FBXL7: variants seen among roughly 807,000 people sequenced by gnomAD.
FBXL7 encodes F-box and leucine rich repeat protein 7, also known as F-box/LRR-repeat protein 7.
FBXL7 carries 12 observed loss-of-function variants against 38.3 expected under a neutral mutation model. That is an observed-to-expected ratio of 0.31 (90% CI 0.20 to 0.51). The LOEUF is 0.51. Ranked by LOEUF, FBXL7 falls within the 20% of genes least tolerant of loss-of-function variation. FBXL7 has a pLI of 0.98. For synonymous variants in FBXL7, 297 were observed against 300.9 expected (o/e 0.99, Z 0.13); for missense variants, 567 against 676.4 (o/e 0.84, Z 1.79).
At chr5:15,555,124 T>C (rs901202449) in intron 1 of FBXL7, among the ~76,000 whole-genome samples, 1 of 152,198 alleles carries the variant, frequency 6.6e-6, no homozygotes, top group Non-Finnish European at 1.5e-5. Context: ...ATTTAACTTA[T>C]AGTAAATAAA....
chr5:15,721,749 A>G (rs76981824), intron 2 of FBXL7, among the ~76,000 whole-genome samples: 86 of 151,968 alleles, frequency 5.7e-4, no homozygotes, highest in African/African-American at 2.0e-3. Flanking sequence ...CCTCATTTTT[A>G]GTGTCTGGTT....
intron 3 of FBXL7, among the ~76,000 whole-genome samples, chr5:15,931,413 A>T (rs1742033231): frequency 6.6e-6 from 1 of 152,092 alleles, no homozygotes; most frequent in Non-Finnish European, 1.5e-5. Context: ...AATCCTACCC[A>T]ACCAGTAGAG....
chr5:15,874,265 T>C (rs1171281281), intron 2 of FBXL7, among the ~76,000 whole-genome samples: 7 of 152,142 alleles, frequency 4.6e-5, no homozygotes, highest in African/African-American at 9.7e-5. Context: ...TGATGAAACA[T>C]GTCTCAAAAT....
intron 2 of FBXL7, among the ~76,000 whole-genome samples, chr5:15,840,024 T>C (rs1276904456): frequency 6.6e-6 from 1 of 152,242 alleles, no homozygotes; most frequent in African/African-American, 2.4e-5. Flanking sequence ...AAAATTTCTG[T>C]AGGATATCTT....
At chr5:15,764,683 G>T (rs1736540824) in intron 2 of FBXL7, among the ~76,000 whole-genome samples, 1 of 152,208 alleles carries the variant, frequency 6.6e-6, no homozygotes, top group Non-Finnish European at 1.5e-5. Context: ...GGCCATCCCT[G>T]CATTTTAGTT....
chr5:15,707,855 A>T (rs764114401), intron 2 of FBXL7, among the ~76,000 whole-genome samples: 18 of 152,170 alleles, frequency 1.2e-4, no homozygotes, highest in Non-Finnish European at 2.2e-4. Context: ...GTGAGAATGT[A>T]CAAGTAGCCA....
chr5:15,864,096 C>G (rs917872848), intron 2 of FBXL7, among the ~76,000 whole-genome samples: 1 of 152,092 alleles, frequency 6.6e-6, no homozygotes, highest in Admixed American at 6.5e-5. Context: ...ACATGAGTGT[C>G]TAGGTATTCC....
intron 1 of FBXL7, among the ~76,000 whole-genome samples, chr5:15,600,883 T>C (rs1422193009): frequency 6.6e-6 from 1 of 152,188 alleles, no homozygotes; most frequent in African/African-American, 2.4e-5. Context: ...TAACTGTCTG[T>C]CTGTCTTTTG....
Position 15,616,036 on chromosome 5 carries a change from C to A in FBXL7, c.91C>A (p.Pro31Thr). The change falls in exon 2 of 4, where the codon CCC becomes ACC. Residue 31 changes from proline (P) to threonine (T), a missense_variant. Physicochemically the swap from Pro to Thr is conservative, Grantham distance 38. Coordinates refer to ENST00000504595, the MANE Select transcript of FBXL7 (RefSeq NM_012304.5). ...SDVSSSTDHT[P>T]TKAQKNVATS... ...CGTGAGTTCAAGTACAGATCACACG[C>A]CCACTAAAGCCCAGAAGAATGTGGC... The A allele has an allele frequency of 6.2e-7, 1 of 1,613,440 alleles. No individual in the cohort carries two copies. The highest frequency in any genetic ancestry group is 8.5e-7 in the Non-Finnish European group (1 of 1,179,568).
chr5:15,749,009 C>T (rs917687904), intron 2 of FBXL7, among the ~76,000 whole-genome samples: 4 of 152,074 alleles, frequency 2.6e-5, no homozygotes, highest in Non-Finnish European at 5.9e-5. Flanking sequence ...CTTTAGGAGG[C>T]TGAGTGGGGC....
At chr5:15,616,793 T>C (rs1326210733) in intron 2 of FBXL7, among the ~76,000 whole-genome samples, 1 of 152,242 alleles carries the variant, frequency 6.6e-6, no homozygotes, top group Non-Finnish European at 1.5e-5. Flanking sequence ...ATGTTAAACA[T>C]GATTAAATGA....
chr5:15,916,724 G>A (rs1334821222), intron 2 of FBXL7, among the ~76,000 whole-genome samples: 1 of 152,176 alleles, frequency 6.6e-6, no homozygotes, highest in Non-Finnish European at 1.5e-5. Flanking sequence ...AAATGAAATA[G>A]CCATATTTTA....
intron 2 of FBXL7, among the ~76,000 whole-genome samples, chr5:15,903,126 C>T (rs529628791): frequency 2.0e-5 from 3 of 152,280 alleles, no homozygotes; most frequent in Non-Finnish European, 2.9e-5. Context: ...ATTTCAAAGT[C>T]GATATTAAAC....
intron 2 of FBXL7, among the ~76,000 whole-genome samples, chr5:15,767,067 C>T (rs1247265044): frequency 6.6e-6 from 1 of 152,042 alleles, no homozygotes; most frequent in East Asian, 1.9e-4. Flanking sequence ...TATAGGCAAA[C>T]ATGTGCCATG....
chr5:15,795,449 G>A (rs1384527217), intron 2 of FBXL7, among the ~76,000 whole-genome samples: 1 of 152,188 alleles, frequency 6.6e-6, no homozygotes, highest in African/African-American at 2.4e-5. Flanking sequence ...GTAATTGTCA[G>A]AAGCTGATGC....
intron 2 of FBXL7, among the ~76,000 whole-genome samples, chr5:15,641,238 A>T (rs188626127): frequency 6.6e-6 from 1 of 152,172 alleles, no homozygotes; most frequent in Non-Finnish European, 1.5e-5. Context: ...AAACCTTTCC[A>T]TGAGACTGAG....
chr5:15,676,247 C>A (rs962886775), intron 2 of FBXL7, among the ~76,000 whole-genome samples: 1 of 152,164 alleles, frequency 6.6e-6, no homozygotes, highest in Non-Finnish European at 1.5e-5. Context: ...TCTAAACCAT[C>A]TTTGTAGATG....
chr5:15,769,342 A>G (rs779831895), intron 2 of FBXL7, among the ~76,000 whole-genome samples: 1 of 152,194 alleles, frequency 6.6e-6, no homozygotes, highest in Non-Finnish European at 1.5e-5. Context: ...TGGTATGATG[A>G]GTGTGTGTGT....
intron 2 of FBXL7, among the ~76,000 whole-genome samples, chr5:15,839,960 T>G (rs568573028): frequency 1.3e-5 from 2 of 152,362 alleles, no homozygotes; most frequent in South Asian, 4.1e-4. Context: ...TAGTTACAAC[T>G]TTTATTTTTT....
Sources: allele counts gnomAD v4.1 joint callset (sites outside exome capture counted in the v4.1 genomes callset), GRCh38; gene constraint gnomAD v4.1.1; transcripts MANE v1.5; gene names NCBI Gene and HGNC (gene_info 2026-07-23, HGNC 2026-07-21).